PARM1: variants seen among roughly 807,000 people sequenced by gnomAD.
The protein encoded by PARM1 is prostate androgen-regulated mucin-like protein 1.
In PARM1, 14 loss-of-function variants were observed where a neutral mutation model predicts 24.6. That is an observed-to-expected ratio of 0.57 (90% CI 0.38 to 0.89). PARM1 has a LOEUF of 0.89. PARM1 is among the 40% of genes least tolerant of loss of function. The pLI, the probability that PARM1 is intolerant of heterozygous loss-of-function variation, is 0.00. For synonymous variants in PARM1, 179 were observed against 156.6 expected (o/e 1.14, Z -1.07); for missense variants, 362 against 380.4 (o/e 0.95, Z 0.40).
At chr4:74,997,933 G>A (rs2109784467) in intron 1 of PARM1, 1 of 152,344 alleles carries the variant, frequency 6.6e-6, no homozygotes, top group Non-Finnish European at 1.5e-5. Context: ...TATTCTTTGA[G>A]TTGAGCTTAA....
Position 75,012,710 on chromosome 4 carries a change from C to T in PARM1, c.329C>T (p.Ser110Leu), listed in dbSNP as rs375803068. Residue 110 changes from serine to leucine, a missense_variant, in exon 2 of 4, where the codon TCG (serine) becomes TTG (leucine). Physicochemically the swap from Ser to Leu is moderately radical, Grantham distance 145 (BLOSUM62 -2). Coordinates refer to ENST00000307428, the MANE Select transcript of PARM1 (RefSeq NM_015393.4). ...TNTDPSPSGF[S>L]STSGGVHLTT... is the part of the protein sequence containing the mutation. The stretch of plus-strand genomic sequence containing the variant: ...ACAGACCCCTCACCTTCTGGGTTCT[C>T]GTCAACAAGCGGTGGAGTCCACTTA... 29 of 1,613,860 alleles carry T rather than the reference C, an allele frequency of 1.8e-5. No homozygotes were observed. The highest frequency in any genetic ancestry group is 4.5e-5 in the East Asian group (2 of 44,896).
intron 2 of PARM1, among the ~76,000 whole-genome samples, chr4:75,014,740 G>A (rs1722948812): frequency 6.6e-6 from 1 of 152,190 alleles, no homozygotes; most frequent in South Asian, 2.1e-4. Flanking sequence ...GAGTGGATCT[G>A]CAGAGGTGAA....
intron 1 of PARM1, among the ~76,000 whole-genome samples, chr4:74,983,077 T>C (rs530555412): frequency 6.6e-6 from 1 of 152,174 alleles, no homozygotes; most frequent in Non-Finnish European, 1.5e-5. Context: ...CTCAGAGTCT[T>C]ATACTAAGTT....
rs769559989 is a variant in PARM1, at chr4:75,012,878, C to G, written c.497C>G (p.Pro166Arg). The G allele has an allele frequency of 1.9e-6, 3 of 1,613,938 alleles. No homozygotes were observed. The highest frequency in any genetic ancestry group is 2.5e-6 in the Non-Finnish European group (3 of 1,179,846). The change falls in exon 2 of 4, where the codon CCT (proline) becomes CGT (arginine). Residue 166 changes from proline to arginine, a missense_variant. Transcript: ENST00000307428. Reference protein sequence around the residue: ...SSPSSLSTSPPEVFSASVTTN... With the variant: ...SSPSSLSTSPREVFSASVTTN... ...CCCTCATCCCTATCAACCTCACCAC[C>G]TGAGGTCTTTTCTGCCTCCGTTACT...
chr4:74,940,350 C>T (rs1490070799), intron 1 of PARM1, among the ~76,000 whole-genome samples: 1 of 152,146 alleles, frequency 6.6e-6, no homozygotes, highest in Non-Finnish European at 1.5e-5. Context: ...TATAACAAAA[C>T]ACCATAAACA....
At chr4:74,949,188 T>C (rs1378142366) in intron 1 of PARM1, among the ~76,000 whole-genome samples, 1 of 152,218 alleles carries the variant, frequency 6.6e-6, no homozygotes, top group Non-Finnish European at 1.5e-5. Context: ...CCACAGTTAG[T>C]TATCCAGTAC....
chr4:75,044,731 CTG>C (rs1314763085), intron 3 of PARM1, among the ~76,000 whole-genome samples: 3 of 150,950 alleles, frequency 2.0e-5, no homozygotes. Context: ...ATACCCGAGA[CTG>C]AGCAATTTAC....
intron 1 of PARM1, among the ~76,000 whole-genome samples, chr4:74,972,699 CT>C (rs1490964237): frequency 1.4e-5 from 2 of 142,416 alleles, no homozygotes; most frequent in African/African-American, 5.5e-5. Flanking sequence ...TTCATGATTT[CT>C]TTTTCCGATC....
chr4:75,009,742 T>G (rs1345962714), intron 1 of PARM1, among the ~76,000 whole-genome samples: 3 of 152,192 alleles, frequency 2.0e-5, no homozygotes, highest in African/African-American at 4.8e-5. Flanking sequence ...CTTTCTTCCT[T>G]TCTCCCGCAA....
chr4:75,037,819 T>A (rs1428020107), intron 3 of PARM1, among the ~76,000 whole-genome samples: 1 of 152,234 alleles, frequency 6.6e-6, no homozygotes, highest in African/African-American at 2.4e-5. Context: ...ATAGAGTTAA[T>A]AATATGTATC....
At chr4:74,997,973 T>C (rs1722607377) in intron 1 of PARM1, among the ~76,000 whole-genome samples, 1 of 152,230 alleles carries the variant, frequency 6.6e-6, no homozygotes, top group Non-Finnish European at 1.5e-5. Flanking sequence ...GCTTCCGCAA[T>C]TCACCCAAGT....
At chr4:75,031,669 G>A (rs1723280158) in intron 2 of PARM1, among the ~76,000 whole-genome samples, 1 of 152,088 alleles carries the variant, frequency 6.6e-6, no homozygotes, top group African/African-American at 2.4e-5. Context: ...TTTGAAAAAA[G>A]GCCAAACCTG....
intron 1 of PARM1, among the ~76,000 whole-genome samples, chr4:74,954,336 C>T (rs1252527667): frequency 6.6e-6 from 1 of 152,202 alleles, no homozygotes. Flanking sequence ...TAAGTCTTTA[C>T]TAGTAAAAAT....
At chr4:74,999,985 G>T (rs1233112701) in intron 1 of PARM1, among the ~76,000 whole-genome samples, 1 of 151,954 alleles carries the variant, frequency 6.6e-6, no homozygotes, top group African/African-American at 2.4e-5. Context: ...ATGCATCTGT[G>T]GGTGTGTGCA....
At chr4:74,989,427 T>G (rs1722419689) in intron 1 of PARM1, among the ~76,000 whole-genome samples, 1 of 152,144 alleles carries the variant, frequency 6.6e-6, no homozygotes, top group Admixed American at 6.6e-5. Flanking sequence ...TTCAAGGATA[T>G]TACAAAGGAT....
chr4:74,966,227 CA>C (rs746862681), intron 1 of PARM1, among the ~76,000 whole-genome samples: 10 of 151,824 alleles, frequency 6.6e-5, no homozygotes, highest in Middle Eastern at 3.4e-3. Flanking sequence ...GCTATCATGT[CA>C]AAAAAAATGT....
At chr4:74,988,760 T>C (rs775665540) in intron 1 of PARM1, among the ~76,000 whole-genome samples, 1 of 152,194 alleles carries the variant, frequency 6.6e-6, no homozygotes, top group Non-Finnish European at 1.5e-5. Context: ...GGAGTTGGCA[T>C]GCTAGAGTTG....
At chr4:74,933,502 C>A (rs1721111342) in intron 1 of PARM1, 132 bp downstream of exon 1, 1 of 745,670 alleles carries the variant, frequency 1.3e-6, no homozygotes. Context: ...CAGGTGTGTG[C>A]GCACTTAGAT....
intron 2 of PARM1, among the ~76,000 whole-genome samples, chr4:75,021,585 A>AT (rs571620532): frequency 3.4e-4 from 51 of 148,400 alleles, no homozygotes; most frequent in African/African-American, 1.3e-3. Flanking sequence ...CGCTATAGTT[A>AT]GTTTTTTTTT....
Sources: allele counts gnomAD v4.1 joint callset (sites outside exome capture counted in the v4.1 genomes callset), GRCh38; gene constraint gnomAD v4.1.1; transcripts MANE v1.5; gene names NCBI Gene and HGNC (gene_info 2026-07-23, HGNC 2026-07-21).